The following ENOX2 variants were observed in gnomAD, a reference collection of about 807,000 sequenced individuals.
The protein encoded by ENOX2 is APK1 antigen.
ENOX2 carries 36 observed loss-of-function variants against 45.0 expected under a neutral mutation model. The observed-to-expected ratio is 0.80, with a 90% CI of 0.61 to 1.06. ENOX2 has a LOEUF of 1.06. Ranked by LOEUF, ENOX2 falls within the 50% of genes least tolerant of loss-of-function variation. The pLI, the probability that ENOX2 is intolerant of heterozygous loss-of-function variation, is 0.00. For missense variants in ENOX2, 423 were observed against 462.5 expected (o/e 0.91, Z 0.78); for synonymous variants, 174 against 152.3 (o/e 1.14, Z -1.05).
In ENOX2 at chrX:130,823,623, T is replaced by C. The variant is rs558123766; in HGVS notation, c.-182-39933A>G. Among the ~76,000 whole-genome samples the C allele has an allele frequency of 2.6e-4, 29 of 112,166 alleles. No homozygotes were observed. The South Asian group carries it at 0.01, about 40-fold the overall frequency. Reference sequence around the variant, plus strand: ...TCCACATATTAGACCTTCTGTTCTTTATTAAAATAATATATTTTTCTGACT... The same window carrying C: ...TCCACATATTAGACCTTCTGTTCTTCATTAAAATAATATATTTTTCTGACT... On this transcript the variant is annotated intron_variant, in intron 2 of 14. Coordinates refer to ENST00000394363, the MANE Select transcript of ENOX2 (RefSeq NM_006375.4).
intron 2 of ENOX2, among the ~76,000 whole-genome samples, chrX:130,816,978 G>A (rs1013972334): frequency 1.6e-4 from 18 of 111,795 alleles, no homozygotes; most frequent in Admixed American, 1.6e-3. Context: ...ATGAATCCAG[G>A]AGCTGATTTT....
chrX:130,689,341 G>A (rs765986399), intron 4 of ENOX2, among the ~76,000 whole-genome samples: 17 of 111,065 alleles, frequency 1.5e-4, no homozygotes, highest in Admixed American at 5.8e-4. Context: ...GCTCCATTCC[G>A]AGAAGGCTTT....
chrX:130,727,605 G>T (rs1448642334), intron 3 of ENOX2, among the ~76,000 whole-genome samples: 1 of 112,321 alleles, frequency 8.9e-6, no homozygotes, highest in African/African-American at 3.2e-5. Flanking sequence ...TCAAATGTTT[G>T]TCCCCATCTC....
intron 3 of ENOX2, among the ~76,000 whole-genome samples, chrX:130,735,892 C>T (rs1199648944): frequency 9.0e-6 from 1 of 111,125 alleles, no homozygotes; most frequent in East Asian, 2.8e-4. Flanking sequence ...CAATATGATT[C>T]AATTGTTTTT....
chrX:130,651,945 A>G (rs937944166), intron 10 of ENOX2, among the ~76,000 whole-genome samples: 6 of 111,126 alleles, frequency 5.4e-5, no homozygotes, highest in Non-Finnish European at 1.1e-4. Flanking sequence ...CTTCAATCTC[A>G]TACTCTCCAT....
intron 3 of ENOX2, among the ~76,000 whole-genome samples, chrX:130,742,458 T>C (rs752179691): frequency 1.1e-3 from 126 of 109,686 alleles, no homozygotes; most frequent in South Asian, 2.4e-3. Flanking sequence ...CTCTAATAGT[T>C]GCTACAGGGC....
intron 3 of ENOX2, among the ~76,000 whole-genome samples, chrX:130,748,479 A>C (rs1374911306): frequency 2.7e-5 from 3 of 111,671 alleles, no homozygotes; most frequent in African/African-American, 9.8e-5. Context: ...CTTTTTACTA[A>C]ATTATATTGA....
At chrX:130,819,752 A>C (rs1378926038) in intron 2 of ENOX2, among the ~76,000 whole-genome samples, 3 of 111,348 alleles carry the variant, frequency 2.7e-5, no homozygotes, top group African/African-American at 9.8e-5. Context: ...GAGGAGAAAT[A>C]CCTAATGCAG....
chrX:130,709,651 A>G (rs1445218824), intron 3 of ENOX2, among the ~76,000 whole-genome samples: 7 of 108,800 alleles, frequency 6.4e-5, no homozygotes, highest in South Asian at 4.0e-4. Context: ...AAAAAAAAAA[A>G]AAAAGAAAAG....
At chrX:130,893,462 G>A (rs892918896) in intron 2 of ENOX2, among the ~76,000 whole-genome samples, 7 of 112,602 alleles carry the variant, frequency 6.2e-5, no homozygotes, top group Non-Finnish European at 1.3e-4. Flanking sequence ...GTAATGGAAT[G>A]CCAAAGCAGT....
chrX:130,796,138 G>C (rs766170778), intron 2 of ENOX2, among the ~76,000 whole-genome samples: 1 of 110,911 alleles, frequency 9.0e-6, no homozygotes, highest in Non-Finnish European at 1.9e-5. Flanking sequence ...TGATACAATG[G>C]AGAGATGACA....
In ENOX2 at chrX:130,650,585, T is replaced by C. The variant is rs2036372236; in HGVS notation, c.1129+5996A>G. ...TTCAATATTACCTTTTAATAATATG[T>C]TTGAGTAGGTGAATCCATCAGTCCT... On this transcript the variant is annotated intron_variant, in intron 10 of 14. Transcript: ENST00000394363. Among the ~76,000 whole-genome samples the C allele has an allele frequency of 2.7e-5, 3 of 112,495 alleles. No homozygotes were observed. In the South Asian group the frequency reaches 1.1e-3, roughly 42 times the overall value.
intron 2 of ENOX2, among the ~76,000 whole-genome samples, chrX:130,787,453 T>A (rs1411525281): frequency 8.9e-6 from 1 of 111,931 alleles, no homozygotes; most frequent in African/African-American, 3.2e-5. Context: ...ATTTCCATTT[T>A]TAATTTCTAG....
At chrX:130,764,289 T>C (rs1603342745) in intron 3 of ENOX2, among the ~76,000 whole-genome samples, 1 of 110,868 alleles carries the variant, frequency 9.0e-6, no homozygotes, top group East Asian at 2.8e-4. Context: ...AGTTTCCCGA[T>C]TTGTCTTAAA....
chrX:130,800,990 G>A (rs1026597659), intron 2 of ENOX2, among the ~76,000 whole-genome samples: 1 of 112,242 alleles, frequency 8.9e-6, no homozygotes, highest in African/African-American at 3.2e-5. Context: ...AATCAAAATG[G>A]CGTATAAAAT....
At position 130,644,388 on chromosome X, in the gene ENOX2, G is replaced by C. The variant is rs186739064; in HGVS notation, c.1130-6978C>G. ...TACCATCCAGCAATCATGCTCCTTA[G>C]CATTTATCCAAATGAACTAAAAACT... On this transcript the variant is annotated intron_variant, in intron 10 of 14. Transcript: ENST00000394363. Among the ~76,000 whole-genome samples the C allele has an allele frequency of 4.3e-4, 47 of 110,429 alleles. 1 individual carries two copies. The highest frequency in any genetic ancestry group is 1.1e-4 in the Non-Finnish European group (6 of 52,447).
At chrX:130,793,796 C>A (rs1189135651) in intron 2 of ENOX2, among the ~76,000 whole-genome samples, 1 of 112,164 alleles carries the variant, frequency 8.9e-6, no homozygotes, top group Non-Finnish European at 1.9e-5. Flanking sequence ...AGAAGAAGAA[C>A]ACTTCAGGAC....
chrX:130,828,972 G>T (rs1029807462), intron 2 of ENOX2, among the ~76,000 whole-genome samples: 1 of 111,759 alleles, frequency 8.9e-6, no homozygotes, highest in Non-Finnish European at 1.9e-5. Context: ...TCAAAAGGAA[G>T]ATTTCACTGT....
chrX:130,646,928 G>A (rs1476949214), intron 10 of ENOX2, among the ~76,000 whole-genome samples: 2 of 112,107 alleles, frequency 1.8e-5, no homozygotes, highest in African/African-American at 6.5e-5. Flanking sequence ...TATTTCGACA[G>A]TATCAAGCGT....
Sources: allele counts gnomAD v4.1 joint callset (sites outside exome capture counted in the v4.1 genomes callset), GRCh38; gene constraint gnomAD v4.1.1; transcripts MANE v1.5; gene names NCBI Gene and HGNC (gene_info 2026-07-23, HGNC 2026-07-21).